The following SGSH variants were observed in gnomAD, a reference collection of about 807,000 sequenced individuals.
The protein encoded by SGSH is N-sulfoglucosamine sulfohydrolase, also known as heparan sulfate sulfatase.
A neutral mutation model predicts 51.0 loss-of-function variants in SGSH; 48 were observed. The ratio of observed to expected loss-of-function variants is 0.94; its 90% confidence interval spans 0.75 to 1.20. The LOEUF (loss-of-function observed/expected upper bound fraction) is 1.20, where lower values mean the gene tolerates loss of function less well. Ranked by LOEUF, SGSH falls within the 50% of genes most tolerant of loss-of-function variation. The pLI is 0.00. For synonymous variants in SGSH, 321 were observed against 313.4 expected (o/e 1.02, Z -0.26); for missense variants, 662 against 717.8 (o/e 0.92, Z 0.89).
downstream of SGSH, chr17:80,205,488 C>A: frequency 6.4e-7 from 1 of 1,566,820 alleles, no homozygotes; most frequent in Non-Finnish European, 8.7e-7. Flanking sequence ...CCCAGACCCC[C>A]ACACAGCTGG....
At position 80,209,956 on chromosome 17, in the gene SGSH, C is replaced by G; in HGVS notation, c.*496G>C. Reference sequence around the variant, plus strand: ...GCTGGTAAGAGCCAGGCGCCGTGCTCCCAGGTGAGTGTCGGTGGGACCTGC... The same window carrying G: ...GCTGGTAAGAGCCAGGCGCCGTGCTGCCAGGTGAGTGTCGGTGGGACCTGC... On this transcript the variant is annotated 3_prime_UTR_variant, in exon 8 of 8. Transcript: ENST00000326317. 1 of 1,004,124 alleles carries G rather than the reference C, an allele frequency of 1.0e-6. No homozygotes were observed. The highest frequency in any genetic ancestry group is 1.2e-6 in the Non-Finnish European group (1 of 839,378). 62.2% of individuals were successfully genotyped at this position (1,004,124 alleles called of 1,614,324 possible).
At chr17:80,202,149 C>A, downstream of SGSH, 1 of 1,573,268 alleles carries the variant, frequency 6.4e-7, no homozygotes, top group Non-Finnish European at 8.7e-7. Context: ...GTATCTGTGG[C>A]TCATCTGTGG....
Position 80,213,618 on chromosome 17 carries a change from C to T in SGSH, c.745+186G>A. The T allele has an allele frequency of 1.6e-6, 1 of 625,572 alleles. No individual in the cohort carries two copies. The highest frequency in any genetic ancestry group is 2.7e-5 in the East Asian group (1 of 36,456). The allele number at this position is 625,572 out of a possible 1,614,324, so 38.8% of individuals were successfully genotyped here. On this transcript the variant is annotated intron_variant, in intron 6 of 7. Coordinates refer to ENST00000326317, the MANE Select transcript of SGSH (RefSeq NM_000199.5). This position sits in a 1 kb window ranked among gnomAD's most constrained non-coding sequence, Gnocchi z 4.6. ...CAGGAGCAGGTCCACATCAGGGCAGCCCCGGGGTTGGGTCCTGATGCCACC... is the reference window on the plus strand; with the variant it reads ...CAGGAGCAGGTCCACATCAGGGCAGTCCCGGGGTTGGGTCCTGATGCCACC...
downstream of SGSH, chr17:80,205,987 C>A: frequency 5.1e-6 from 1 of 194,876 alleles, no homozygotes; most frequent in Non-Finnish European, 1.0e-5. Flanking sequence ...CCCCGTGAAC[C>A]ACAGCTTTGT....
At chr17:80,205,108 C>T (rs571049959), downstream of SGSH, 11 of 1,613,664 alleles carry the variant, frequency 6.8e-6, no homozygotes, top group East Asian at 4.5e-5. Context: ...CCCATCGACC[C>T]GCCCGGCCCC....
At chr17:80,203,872 C>T (rs767665543), downstream of SGSH, 4 of 1,596,578 alleles carry the variant, frequency 2.5e-6, no homozygotes, top group South Asian at 1.1e-5. This position sits in a 1 kb window ranked among gnomAD's most constrained non-coding sequence, Gnocchi z 4.6. Context: ...CAGCAGTGCA[C>T]CGTGACCCGC....
downstream of SGSH, chr17:80,204,246 A>G (rs1284168560): frequency 6.3e-7 from 1 of 1,593,312 alleles, no homozygotes; most frequent in Non-Finnish European, 8.6e-7. Flanking sequence ...GGGGGACCAC[A>G]GAAGCTGGTC....
At chr17:80,214,873 A>G (rs765822655) in intron 3 of SGSH, 108 bp from the exon 4 acceptor site, 6 of 1,415,440 alleles carry the variant, frequency 4.2e-6, no homozygotes, top group Non-Finnish European at 5.9e-6. Flanking sequence ...TCGTGGACAC[A>G]CAGCCCAGCC....
rs1349435982 is a variant in SGSH at position 80,213,828 on chromosome 17, T to C, written c.721A>G (p.Thr241Ala). 1 of 1,607,680 alleles carries C rather than the reference T, an allele frequency of 6.2e-7. No homozygotes were observed. Among genetic ancestry groups the C allele is most frequent in the Admixed American group, 1.7e-5 (1 of 59,374 alleles). Residue 241 changes from threonine to alanine, a missense_variant, in exon 6 of 8, where the codon ACC (threonine) becomes GCC (alanine). Transcript: ENST00000326317. This position sits in a 1 kb window ranked among gnomAD's most constrained non-coding sequence, Gnocchi z 4.6. ...CCTTGGTCCATGCGGCCGACGGTGG[T>C]GTACTGAGCGGCCAGGTCGGCTCGG... The part of the protein sequence containing the change: ...AARADLAAQY[T>A]TVGRMDQGVG...
intron 5 of SGSH, 139 bp downstream of exon 5, chr17:80,214,033 C>T: frequency 7.4e-7 from 1 of 1,346,942 alleles, no homozygotes; most frequent in Non-Finnish European, 1.0e-6. Flanking sequence ...CTCTGTGGCC[C>T]CGAGGTTGGG....
chr17:80,218,307 C>G (rs1224241884), intron 1 of SGSH, among the ~76,000 whole-genome samples: 1 of 152,238 alleles, frequency 6.6e-6, no homozygotes, highest in East Asian at 1.9e-4. Context: ...TCAACCCTTT[C>G]ATCCTACACA....
the SGSH span, chr17:80,201,644 G>C: frequency 1.6e-6 from 2 of 1,287,970 alleles, no homozygotes; most frequent in Non-Finnish European, 2.2e-6. The surrounding 1 kb of genome is among the most constrained non-coding windows in gnomAD (Gnocchi z 5.0). Context: ...CTACGGCAGG[G>C]CTGGCCCGCG....
chr17:80,204,665 G>C, downstream of SGSH: 1 of 386,682 alleles, frequency 2.6e-6, no homozygotes, highest in Non-Finnish European at 4.7e-6. Context: ...ACAGGACAGA[G>C]GGAGGGCTAG....
intron 1 of SGSH, 169 bp from the exon 2 acceptor site, chr17:80,217,361 C>T: frequency 1.3e-6 from 1 of 761,252 alleles, no homozygotes; most frequent in Non-Finnish European, 2.2e-6. Context: ...CAGAGCACTC[C>T]ATTACCTAGG....
chr17:80,217,230 G>A (rs2041927664), intron 1 of SGSH, 38 bp from the exon 2 acceptor site: 1 of 1,578,198 alleles, frequency 6.3e-7, no homozygotes, highest in African/African-American at 1.3e-5. Context: ...ACGGTCGGCT[G>A]CGGTCACGAG....
At chr17:80,206,352 G>A (rs111385780), downstream of SGSH, among the ~76,000 whole-genome samples, 1,629 of 152,214 alleles carry the variant, frequency 0.011, 24 homozygotes, top group African/African-American at 0.037. Flanking sequence ...AGTGGCTCGC[G>A]CCTGTAATCC....
chr17:80,210,230 T>C lies in SGSH; in HGVS notation c.*222A>G. 7.0e-7 allele frequency: 1 copy of C among 1,423,298 alleles called. No individual in the cohort carries two copies. The highest frequency in any genetic ancestry group is 9.2e-7 in the Non-Finnish European group (1 of 1,092,766). 88.2% of individuals were successfully genotyped at this position (1,423,298 alleles called of 1,614,324 possible). A position where few individuals can be genotyped will look rare whatever the true frequency, so the allele number is the denominator to read the frequency against. ...ACTGTGTCCCCTGCCATGACGGCAG[T>C]GCCCCTGGTGGTGGAGGGGCTGGGC... is the stretch of plus-strand genomic sequence containing the variant. On this transcript the variant is annotated 3_prime_UTR_variant, in exon 8 of 8. Coordinates refer to ENST00000326317, the MANE Select transcript of SGSH (RefSeq NM_000199.5).
rs868144603 is a variant in SGSH, at chr17:80,214,559, G to A, written c.506+56C>T. Reference sequence around the variant, plus strand: ...CCCATGCATCCCGCCGGAAGACTCCGGGCTGTGCTCTGGTACCGGCCGCCA... The same window carrying A: ...CCCATGCATCCCGCCGGAAGACTCCAGGCTGTGCTCTGGTACCGGCCGCCA... On this transcript the variant is annotated intron_variant, in intron 4 of 7. Transcript: ENST00000326317. 2.9e-5 allele frequency: 45 copies of A among 1,567,958 alleles called. No individual in the cohort carries two copies. In the Middle Eastern group the frequency reaches 1.5e-3, roughly 53 times the overall value.
At chr17:80,205,153 G>C (rs950950885), downstream of SGSH, 8 of 1,613,722 alleles carry the variant, frequency 5.0e-6, no homozygotes, top group African/African-American at 4.0e-5. Context: ...CGGTTGGGAA[G>C]ATCCTGAGCG....
Sources: gnomAD v4.1 joint callset for allele counts (sites outside exome capture counted in the v4.1 genomes callset) on GRCh38, gnomAD v4.1.1 for gene constraint, Gnocchi (gnomAD v3.1) non-coding constraint, MANE v1.5 for transcripts, NCBI Gene and HGNC (gene_info 2026-07-23, HGNC 2026-07-21) for gene names.